Variants in ESRP1 observed in about 807,000 individuals in gnomAD.
The protein encoded by ESRP1 is RNA-binding motif protein 35A.
In ESRP1, 33 loss-of-function variants were observed where a neutral mutation model predicts 81.7. That is an observed-to-expected ratio of 0.40 (90% CI 0.31 to 0.54). ESRP1 has a LOEUF of 0.54. Among genes scored for constraint, ESRP1 ranks in the 20% least tolerant of loss-of-function variants. The pLI is 0.41. For missense variants in ESRP1, 672 were observed against 833.1 expected (o/e 0.81, Z 2.38); for synonymous variants, 320 against 303.3 (o/e 1.06, Z -0.57).
chr8:94,675,836 A>C (rs1298607161), intron 12 of ESRP1, among the ~76,000 whole-genome samples: 3 of 152,126 alleles, frequency 2.0e-5, no homozygotes, highest in African/African-American at 7.2e-5. Flanking sequence ...AAAGATTTAA[A>C]ATCCATGTGT....
chr8:94,660,984 A>C (rs1818714815), intron 4 of ESRP1, among the ~76,000 whole-genome samples: 1 of 152,116 alleles, frequency 6.6e-6, no homozygotes, highest in Non-Finnish European at 1.5e-5. Flanking sequence ...CTCCACCAAC[A>C]AAAAGATTGA....
At chr8:94,643,235 G>A in intron 2 of ESRP1, 68 bp from the exon 3 acceptor site, 2 of 1,091,254 alleles carry the variant, frequency 1.8e-6, no homozygotes, top group Admixed American at 3.5e-5. Context: ...TATCACCAAG[G>A]GGAGCTACTT....
Position 94,651,987 on chromosome 8 carries a change from C to CTTTT in ESRP1, c.490+5725_490+5728dup, listed in dbSNP as rs35903773. On this transcript the variant is annotated intron_variant, in intron 4 of 15. Coordinates refer to ENST00000433389, the MANE Select transcript of ESRP1 (RefSeq NM_017697.4). ...TGTCTTTGTATTTGTTCTAAAACGC[C>CTTTT]TTTTTTTTTTTTTTTTTTTTTTTGA... 8.7e-3 allele frequency among the ~76,000 whole-genome samples: 568 copies of CTTTT among 65,212 alleles called. 47 individuals are homozygous for CTTTT. The highest frequency in any genetic ancestry group is 0.021 in the African/African-American group (295 of 13,982). The allele number at this position is 65,212 out of a possible 152,430, so 42.8% of individuals were successfully genotyped here.
At chr8:94,674,231 G>A (rs983213796) in intron 11 of ESRP1, 77 bp from the exon 12 acceptor site, 19 of 1,481,848 alleles carry the variant, frequency 1.3e-5, no homozygotes, top group Admixed American at 2.0e-5. Flanking sequence ...TTGTCACTTT[G>A]CATGTTTTGT....
chr8:94,703,110 T>TTTTG (rs1809908441), intron 15 of ESRP1, among the ~76,000 whole-genome samples: 1 of 143,106 alleles, frequency 7.0e-6, no homozygotes, highest in African/African-American at 2.8e-5. Flanking sequence ...GATTGATTGT[T>TTTTG]TTTTTTTTTT....
chr8:94,659,110 G>A (rs1478721033), intron 4 of ESRP1, among the ~76,000 whole-genome samples: 3 of 151,992 alleles, frequency 2.0e-5, no homozygotes, highest in Non-Finnish European at 2.9e-5. Context: ...TGAATTCCTG[G>A]GTTCAAATGA....
chr8:94,699,169 A>T (rs373211446), intron 15 of ESRP1, among the ~76,000 whole-genome samples: 1 of 152,200 alleles, frequency 6.6e-6, no homozygotes, highest in African/African-American at 2.4e-5. Context: ...ACATTACACC[A>T]GAAATGTCCT....
chr8:94,681,277 G>A (rs1455623755), intron 13 of ESRP1, among the ~76,000 whole-genome samples: 1 of 120,894 alleles, frequency 8.3e-6, no homozygotes. Flanking sequence ...AGTGAGCCAA[G>A]ATCATGTCAC....
intron 4 of ESRP1, among the ~76,000 whole-genome samples, chr8:94,661,852 C>CA (rs537445562): frequency 2.7e-5 from 4 of 149,676 alleles, no homozygotes; most frequent in African/African-American, 7.3e-5. Flanking sequence ...AACATTAGGC[C>CA]AAAAAAAAAG....
chr8:94,691,692 G>A (rs576093259), intron 13 of ESRP1, among the ~76,000 whole-genome samples: 76 of 152,204 alleles, frequency 5.0e-4, no homozygotes, highest in African/African-American at 1.7e-3. Context: ...AAGACTTTTA[G>A]TCCCTTCTAT....
At position 94,681,301 on chromosome 8, in the gene ESRP1, G is replaced by C. The variant is rs371996627; in HGVS notation, c.1820+2930G>C. On this transcript the variant is annotated intron_variant, in intron 13 of 15. Transcript: ENST00000433389. The stretch of plus-strand genomic sequence containing the variant: ...AGATCATGTCACTGCACTCCAGCCT[G>C]GGTGACAGAGCAAGACTCCATCTCA... Among the ~76,000 whole-genome samples, 41 of 128,208 alleles carry C rather than the reference G, an allele frequency of 3.2e-4. 1 individual carries two copies. Among genetic ancestry groups the C allele is most frequent in the African/African-American group, 1.2e-3 (39 of 33,666 alleles). The allele number at this position is 128,208 out of a possible 152,430, so 84.1% of individuals were successfully genotyped here. A position where few individuals can be genotyped will look rare whatever the true frequency, so the allele number is the denominator to read the frequency against.
At position 94,641,287 on chromosome 8, in the gene ESRP1, G is replaced by A. The variant is rs765041345; in HGVS notation, c.-32G>A. 18 of 1,083,978 alleles carry A rather than the reference G, an allele frequency of 1.7e-5. No individual in the cohort carries two copies. The highest frequency in any genetic ancestry group is 1.6e-4 in the South Asian group (13 of 79,640). The allele number at this position is 1,083,978 out of a possible 1,614,324, so 67.1% of individuals were successfully genotyped here. A position where few individuals can be genotyped will look rare whatever the true frequency, so the allele number is the denominator to read the frequency against. On this transcript the variant is annotated 5_prime_UTR_variant, in exon 1 of 16. Coordinates refer to ENST00000433389, the MANE Select transcript of ESRP1 (RefSeq NM_017697.4). ...CTTCCACACCACCTTACCGCCTCCC[G>A]ACCCCCCCTCTCCCCCTCCCCACCT... is the stretch of plus-strand genomic sequence containing the variant.
At chr8:94,683,220 A>T (rs903969630) in intron 13 of ESRP1, among the ~76,000 whole-genome samples, 6 of 152,064 alleles carry the variant, frequency 3.9e-5, no homozygotes, top group African/African-American at 1.4e-4. Flanking sequence ...CTGGGATTAC[A>T]GGCGTAAGCC....
At chr8:94,703,223 C>T (rs906249075) in intron 15 of ESRP1, among the ~76,000 whole-genome samples, 1 of 150,554 alleles carries the variant, frequency 6.6e-6, no homozygotes, top group Admixed American at 6.7e-5. Context: ...GGCGCAATCT[C>T]GGCTCACTGC....
chr8:94,703,440 G>A (rs762446646), intron 15 of ESRP1, among the ~76,000 whole-genome samples: 27 of 152,116 alleles, frequency 1.8e-4, no homozygotes, highest in African/African-American at 4.1e-4. Context: ...ATAAACCATC[G>A]CTCCTGGCCT....
intron 15 of ESRP1, among the ~76,000 whole-genome samples, chr8:94,697,785 AT>A (rs1809662937): frequency 6.6e-6 from 1 of 151,540 alleles, no homozygotes; most frequent in African/African-American, 2.4e-5. Context: ...TTTATGTTTT[AT>A]TTTTATTTTT....
Position 94,649,310 on chromosome 8 carries a change from A to G in ESRP1, c.490+3028A>G, listed in dbSNP as rs1301507117. Among the ~76,000 whole-genome samples the G allele has an allele frequency of 2.6e-5, 4 of 152,132 alleles. No homozygotes were observed. The East Asian group carries it at 7.7e-4, about 29-fold the overall frequency. Reference sequence around the variant, plus strand: ...CATCCTCCTGTCTTGGCCTCCCAAAATGCAGGGATTATAGGTGTTTGCCAC... The same window carrying G: ...CATCCTCCTGTCTTGGCCTCCCAAAGTGCAGGGATTATAGGTGTTTGCCAC... On this transcript the variant is annotated intron_variant, in intron 4 of 15. Coordinates refer to ENST00000433389, the MANE Select transcript of ESRP1 (RefSeq NM_017697.4).
Position 94,692,766 on chromosome 8 carries a change from T to C in ESRP1, c.1910T>C (p.Met637Thr). ...CCACAGCCTGGCACGGTGGTCAGAA[T>C]GCAGGGCCTGGCCTACAATACTGGA... ...VPPQPGTVVR[M>T]QGLAYNTGVK... The change falls in exon 14 of 16, where the codon ATG (methionine) becomes ACG (threonine). Residue 637 changes from methionine to threonine, a missense_variant. Met to Thr is a moderately conservative substitution (Grantham distance 81, BLOSUM62 -1). Coordinates refer to ENST00000433389, the MANE Select transcript of ESRP1 (RefSeq NM_017697.4). 1 of 1,613,940 alleles carries C rather than the reference T, an allele frequency of 6.2e-7. No homozygotes were observed. Among genetic ancestry groups the C allele is most frequent in the African/African-American group, 1.3e-5 (1 of 75,036 alleles).
chr8:94,663,648 A>G lies in ESRP1; in HGVS notation c.645-1049A>G, dbSNP rs140959836. On this transcript the variant is annotated intron_variant, in intron 6 of 15. Transcript: ENST00000433389. ...ACCTGTTTGTAAATCACTCTAATGAATTGAGTGTGTGCTTGGTCTCTGAAG... is the reference window on the plus strand; with the variant it reads ...ACCTGTTTGTAAATCACTCTAATGAGTTGAGTGTGTGCTTGGTCTCTGAAG... Among the ~76,000 whole-genome samples the G allele has an allele frequency of 1.8e-3, 281 of 152,236 alleles. 3 individuals carry two copies. Among genetic ancestry groups the G allele is most frequent in the Non-Finnish European group, 1.2e-3 (83 of 68,016 alleles).
Sources: allele counts gnomAD v4.1 joint callset (sites outside exome capture counted in the v4.1 genomes callset), GRCh38; gene constraint gnomAD v4.1.1; transcripts MANE v1.5; gene names NCBI Gene and HGNC (gene_info 2026-07-23, HGNC 2026-07-21).